OCA2: variants seen among roughly 807,000 people sequenced by gnomAD.
OCA2 encodes the protein OCA2 melanosomal transmembrane protein.
In OCA2, 77 loss-of-function variants were observed where a neutral mutation model predicts 100.2. The observed-to-expected ratio is 0.77, with a 90% CI of 0.64 to 0.93. The LOEUF (loss-of-function observed/expected upper bound fraction) is 0.93. Among genes scored for constraint, OCA2 ranks in the 40% least tolerant of loss-of-function variants. The probability of loss-of-function intolerance (pLI) is 0.00; values close to 1 mark genes in which losing one functional copy is unlikely to be tolerated. For missense variants in OCA2, 1,062 were observed against 1,089.1 expected (o/e 0.98, Z 0.35); for synonymous variants, 432 against 439.2 (o/e 0.98, Z 0.21).
intron 14 of OCA2, 84 bp from the exon 15 acceptor site, chr15:27,966,906 G>T (rs2040588599): frequency 6.9e-7 from 1 of 1,448,644 alleles, no homozygotes; most frequent in East Asian, 2.5e-5. Flanking sequence ...GAGGTGGGTG[G>T]ATCACGAGGT....
intron 9 of OCA2, among the ~76,000 whole-genome samples, chr15:28,005,780 T>C (rs1425514873): frequency 6.6e-6 from 1 of 152,096 alleles, no homozygotes; most frequent in South Asian, 2.1e-4. Flanking sequence ...ATGCAAATGG[T>C]CTGGGGGTTA....
intron 14 of OCA2, among the ~76,000 whole-genome samples, chr15:27,979,170 T>G (rs2041064626): frequency 6.6e-6 from 1 of 152,222 alleles, no homozygotes; most frequent in East Asian, 1.9e-4. Flanking sequence ...AAAGTAGACT[T>G]TGTGTTAGAT....
At chr15:27,900,403 T>C (rs2037881321) in intron 19 of OCA2, among the ~76,000 whole-genome samples, 1 of 152,158 alleles carries the variant, frequency 6.6e-6, no homozygotes, top group Non-Finnish European at 1.5e-5. Context: ...CTAGTGCTGG[T>C]CTTTGTTGTC....
chr15:27,726,398 A>T, the OCA2 span, among the ~76,000 whole-genome samples: 1 of 152,066 alleles, frequency 6.6e-6, no homozygotes, highest in African/African-American at 2.4e-5. Flanking sequence ...TCCTCTTGTT[A>T]AAAAAGAAAT....
At chr15:27,904,888 G>C (rs1276904357) in intron 19 of OCA2, among the ~76,000 whole-genome samples, 1 of 152,196 alleles carries the variant, frequency 6.6e-6, no homozygotes, top group East Asian at 1.9e-4. Flanking sequence ...ACGGGGCTGG[G>C]CATGGTGGTT....
intron 14 of OCA2, among the ~76,000 whole-genome samples, chr15:27,970,644 G>C (rs1390448660): frequency 6.6e-6 from 1 of 151,528 alleles, no homozygotes; most frequent in Non-Finnish European, 1.5e-5. Context: ...ACACGGCATG[G>C]TGGGAAAACA....
intron 2 of OCA2, among the ~76,000 whole-genome samples, chr15:28,064,565 G>T (rs1333691202): frequency 6.6e-6 from 1 of 152,018 alleles, no homozygotes; most frequent in Non-Finnish European, 1.5e-5. Context: ...AATGCCACTT[G>T]TGAGTTTTTC....
At chr15:27,835,892 T>TCCTG (rs1389451515) in intron 23 of OCA2, among the ~76,000 whole-genome samples, 1 of 152,176 alleles carries the variant, frequency 6.6e-6, no homozygotes, top group Non-Finnish European at 1.5e-5. Context: ...TCCTGAAAAG[T>TCCTG]ATACAGTGGA....
At chr15:28,083,325 C>A (rs972528410) in intron 1 of OCA2, among the ~76,000 whole-genome samples, 1 of 152,192 alleles carries the variant, frequency 6.6e-6, no homozygotes, top group Non-Finnish European at 1.5e-5. Flanking sequence ...ACATGACATT[C>A]GAAGAAACCT....
At chr15:28,022,387 G>GTGAGTGAGAA (rs2042620767) in intron 6 of OCA2, 114 bp downstream of exon 6, 3 of 764,228 alleles carry the variant, frequency 3.9e-6, no homozygotes, top group Non-Finnish European at 4.7e-6. Flanking sequence ...CAAAATTCGA[G>GTGAGTGAGAA]TGGTAATGGC....
At chr15:27,735,785 T>G in the OCA2 span, among the ~76,000 whole-genome samples, 1 of 152,174 alleles carries the variant, frequency 6.6e-6, no homozygotes, top group Non-Finnish European at 1.5e-5. Context: ...AAGAATCTTG[T>G]ACACAGCAAA....
At chr15:28,087,031 G>C (rs1181753829) in intron 1 of OCA2, among the ~76,000 whole-genome samples, 1 of 152,170 alleles carries the variant, frequency 6.6e-6, no homozygotes, top group Non-Finnish European at 1.5e-5. Flanking sequence ...CGATCTCATG[G>C]CTGAAAACTT....
In OCA2 at chr15:27,945,730, AG is replaced by A. The variant is rs932855467; in HGVS notation, c.1951+6053del. Among the ~76,000 whole-genome samples, 226 of 152,330 alleles carry A rather than the reference AG, an allele frequency of 1.5e-3. 1 individual carries two copies. The highest frequency in any genetic ancestry group is 5.0e-3 in the African/African-American group (208 of 41,566). ...GACCAGCAATTTCAAAACCATAATC[AG>A]GGAAATAATGACGGAAAATTTTCCA... On this transcript the variant is annotated intron_variant, in intron 18 of 23. Coordinates refer to ENST00000354638, the MANE Select transcript of OCA2 (RefSeq NM_000275.3).
intron 2 of OCA2, among the ~76,000 whole-genome samples, chr15:28,075,026 G>T (rs2141836340): frequency 6.6e-6 from 1 of 152,190 alleles, no homozygotes; most frequent in East Asian, 1.9e-4. Context: ...ACTCAAAATG[G>T]ATTATATGCC....
At chr15:27,944,425 T>C (rs561176567) in intron 18 of OCA2, among the ~76,000 whole-genome samples, 2 of 152,324 alleles carry the variant, frequency 1.3e-5, no homozygotes, top group African/African-American at 4.8e-5. Context: ...GCTAGGAGGA[T>C]AGGAGAGACT....
chr15:28,049,750 C>A (rs976918567), intron 2 of OCA2, among the ~76,000 whole-genome samples: 28 of 152,050 alleles, frequency 1.8e-4, no homozygotes, highest in African/African-American at 6.8e-4. Context: ...GAAATATCTA[C>A]AAAAGGTAAA....
In OCA2 at chr15:28,053,239, G is replaced by A. The variant is rs185604921; in HGVS notation, c.228-21076C>T. On this transcript the variant is annotated intron_variant, in intron 2 of 23. Coordinates refer to ENST00000354638, the MANE Select transcript of OCA2 (RefSeq NM_000275.3). The stretch of plus-strand genomic sequence containing the variant: ...CCTTTCCTTGGCACACACATGGTGT[G>A]TATCTCCAGGCAGCACCCACATGGG... Among the ~76,000 whole-genome samples the A allele has an allele frequency of 5.4e-3, 810 of 150,086 alleles. 9 individuals are homozygous for A. Among genetic ancestry groups the A allele is most frequent in the African/African-American group, 0.019 (752 of 40,146 alleles).
intron 9 of OCA2, among the ~76,000 whole-genome samples, chr15:28,011,084 T>C (rs1458601683): frequency 6.6e-6 from 1 of 151,992 alleles, no homozygotes; most frequent in Non-Finnish European, 1.5e-5. Context: ...TGAGGAGGGG[T>C]AGTCTTGTCG....
chr15:28,062,081 C>T (rs939050487), intron 2 of OCA2, among the ~76,000 whole-genome samples: 2 of 152,194 alleles, frequency 1.3e-5, no homozygotes, highest in Non-Finnish European at 2.9e-5. Flanking sequence ...TGTGTACATA[C>T]CTAGTAACAG....
Sources: allele counts gnomAD v4.1 joint callset (sites outside exome capture counted in the v4.1 genomes callset), GRCh38; gene constraint gnomAD v4.1.1; transcripts MANE v1.5; gene names NCBI Gene and HGNC (gene_info 2026-07-23, HGNC 2026-07-21).